The following CTR9 variants were observed in gnomAD, a reference collection of about 807,000 sequenced individuals.
The protein encoded by CTR9 is RNA polymerase-associated protein CTR9 homolog.
Under a neutral mutation model 152.1 loss-of-function variants are expected in CTR9, and 41 were observed. That is an observed-to-expected ratio of 0.27 (90% CI 0.21 to 0.35). The LOEUF is 0.35. Among genes scored for constraint, CTR9 ranks in the 10% least tolerant of loss-of-function variants. The probability of loss-of-function intolerance (pLI) is 1.00; values close to 1 mark genes in which losing one functional copy is unlikely to be tolerated. For missense variants in CTR9, 917 were observed against 1,424.4 expected, an observed-to-expected ratio of 0.64 and a Z score of 5.73; for synonymous variants, 476 against 496.2, an observed-to-expected ratio of 0.96 and a Z score of 0.54.
rs17330399 is a variant in CTR9, at chr11:10,773,578, C to T, written c.2727+305C>T. ...TGGGCCTAGCCAAGAACCTCTTCCA[C>T]GTGGCTTAGTAAAAGATCCTTCATT... On this transcript the variant is annotated intron_variant, in intron 21 of 24. Transcript: ENST00000361367. Among the ~76,000 whole-genome samples the T allele has an allele frequency of 0.19, 29,388 of 152,036 alleles. 3,646 individuals are homozygous for T. Among genetic ancestry groups the T allele is most frequent in the Non-Finnish European group, 0.27 (18,465 of 67,972 alleles).
chr11:10,763,956 C>T (rs1863018325), intron 9 of CTR9, 77 bp downstream of exon 9: 2 of 1,330,102 alleles, frequency 1.5e-6, no homozygotes, highest in South Asian at 1.3e-5. Context: ...CCTGTTATTG[C>T]TAGTAGAAAT....
Position 10,756,853 on chromosome 11 carries a change from T to A in CTR9, c.592+15T>A, listed in dbSNP as rs746483240. Reference sequence around the variant, plus strand: ...AGGATGTCCAGGTAAGAGAAAAATTTTATTTTATGTCTAAACTGTGTATTA... The same window carrying A: ...AGGATGTCCAGGTAAGAGAAAAATTATATTTTATGTCTAAACTGTGTATTA... On this transcript the variant is annotated intron_variant, in intron 5 of 24. Transcript: ENST00000361367. The A allele has an allele frequency of 6.5e-7, 1 of 1,535,734 alleles. No homozygotes were observed. The highest frequency in any genetic ancestry group is 1.4e-5 in the African/African-American group (1 of 73,472).
At chr11:10,774,586 A>T (rs1035612652) in intron 22 of CTR9, among the ~76,000 whole-genome samples, 3 of 152,200 alleles carry the variant, frequency 2.0e-5, no homozygotes, top group Admixed American at 1.3e-4. Flanking sequence ...TAAGATGTGA[A>T]TGTGTGTAAA....
At chr11:10,756,714 T>G (rs1305928889) in intron 4 of CTR9, 35 bp from the exon 5 acceptor site, 5 of 1,456,178 alleles carry the variant, frequency 3.4e-6, no homozygotes, top group East Asian at 4.5e-5. Context: ...TAGCCTTTAA[T>G]CAGACACTGT....
At chr11:10,773,856 G>T (rs915454391) in intron 21 of CTR9, among the ~76,000 whole-genome samples, 156 bp from the exon 22 acceptor site, 1 of 139,874 alleles carries the variant, frequency 7.1e-6, no homozygotes, top group African/African-American at 2.7e-5. Context: ...CTGCACTCTC[G>T]CCTGGGCAAA....
rs760077319 is a variant in CTR9, at chr11:10,756,810, A to G, written c.564A>G (p.Lys188=). Residue 188 remains lysine, a synonymous_variant, in exon 5 of 25, where the codon AAA becomes AAG. Coordinates refer to ENST00000361367, the MANE Select transcript of CTR9 (RefSeq NM_014633.5). Reference sequence around the variant, plus strand: ...GAGGAGCTCTTGCTTACTATAAGAAAGCATTGCGTACTAACCCAGGATGTC... The same window carrying G: ...GAGGAGCTCTTGCTTACTATAAGAAGGCATTGCGTACTAACCCAGGATGTC... The part of the protein sequence containing the change: ...DYRGALAYYK[K]ALRTNPGCPA... 2.5e-6 allele frequency: 4 copies of G among 1,613,078 alleles called. No individual in the cohort carries two copies. Among genetic ancestry groups the G allele is most frequent in the Non-Finnish European group, 3.4e-6 (4 of 1,179,588 alleles).
chr11:10,763,067 G>A (rs1863002457), intron 7 of CTR9, among the ~76,000 whole-genome samples: 1 of 151,008 alleles, frequency 6.6e-6, no homozygotes, highest in African/African-American at 2.4e-5. Context: ...ATAATTCTAT[G>A]ATGTAGGTAA....
At chr11:10,766,289 G>T in intron 12 of CTR9, 113 bp from the exon 13 acceptor site, 2 of 754,228 alleles carry the variant, frequency 2.7e-6, no homozygotes, top group South Asian at 1.6e-5. Context: ...GGACTTTTCT[G>T]TTCCTTTTAT....
At chr11:10,775,443 A>G in intron 23 of CTR9, 78 bp from the exon 24 acceptor site, 1 of 1,387,488 alleles carries the variant, frequency 7.2e-7, no homozygotes, top group Non-Finnish European at 1.0e-6. Flanking sequence ...TGATTGTATC[A>G]TTGTAATGCA....
rs764521025 is a variant in CTR9, at chr11:10,774,013, G to A, written c.2729G>A (p.Arg910His). Residue 910 changes from arginine (R) to histidine (H), a missense_variant and splice_region_variant, in exon 22 of 25, where the codon CGT becomes CAT. Coordinates refer to ENST00000361367, the MANE Select transcript of CTR9 (RefSeq NM_014633.5). The part of the protein sequence containing the change: ...EKKRGGGGGR[R>H]SKKGGEFDEF... ...ACTATAGTGTTGTTTGGATTTTAGC[G>A]TTCTAAGAAGGGAGGAGAGTTTGAT... 13 of 1,608,226 alleles carry A rather than the reference G, an allele frequency of 8.1e-6. No homozygotes were observed. Among genetic ancestry groups the A allele is most frequent in the East Asian group, 4.5e-5 (2 of 44,758 alleles).
chr11:10,762,949 G>A (rs1862999699), intron 7 of CTR9, among the ~76,000 whole-genome samples: 1 of 151,370 alleles, frequency 6.6e-6, no homozygotes, highest in Non-Finnish European at 1.5e-5. Context: ...AGGCTGCAGT[G>A]GTGAGCCATG....
intron 5 of CTR9, among the ~76,000 whole-genome samples, chr11:10,758,089 G>A (rs898190962): frequency 1.3e-4 from 20 of 152,292 alleles, no homozygotes; most frequent in African/African-American, 4.3e-4. Context: ...GAGTTGGGGG[G>A]AAAGTAGTAA....
At position 10,772,920 on chromosome 11, in the gene CTR9, G is replaced by A. The variant is rs528656280; in HGVS notation, c.2581-207G>A. Among the ~76,000 whole-genome samples the A allele has an allele frequency of 6.3e-4, 96 of 152,060 alleles. 1 individual carries two copies. Among genetic ancestry groups the A allele is most frequent in the African/African-American group, 1.6e-3 (66 of 41,452 alleles). On this transcript the variant is annotated intron_variant, in intron 20 of 24. Transcript: ENST00000361367. ...CATGCACCTGTAATCCCAGCTACTC[G>A]GGGAGCTGAGGCAGGAGAATCACTT...
intron 4 of CTR9, among the ~76,000 whole-genome samples, chr11:10,756,020 A>T (rs187841605): frequency 1.2e-4 from 19 of 152,226 alleles, no homozygotes; most frequent in Admixed American, 4.6e-4. Context: ...GTATAATCTC[A>T]GCACTTTGAG....
intron 8 of CTR9, 39 bp downstream of exon 8, chr11:10,763,577 T>C (rs1203276988): frequency 1.3e-6 from 2 of 1,568,396 alleles, no homozygotes; most frequent in Admixed American, 2.0e-5. Flanking sequence ...ATCTTTTTAC[T>C]TATAGTGTTT....
chr11:10,753,280 G>A (rs931304210), intron 2 of CTR9, among the ~76,000 whole-genome samples: 9 of 152,122 alleles, frequency 5.9e-5, no homozygotes, highest in African/African-American at 1.9e-4. Flanking sequence ...TCTTACTGGA[G>A]ATTCTCAAGA....
chr11:10,772,693 T>C (rs1564971672), intron 20 of CTR9, 38 bp downstream of exon 20: 2 of 1,558,100 alleles, frequency 1.3e-6, no homozygotes, highest in African/African-American at 1.4e-5. Context: ...AATTAATGAA[T>C]TGTGTGCATG....
At chr11:10,775,807 C>G (rs781338275) in intron 24 of CTR9, among the ~76,000 whole-genome samples, 174 bp downstream of exon 24, 21 of 152,124 alleles carry the variant, frequency 1.4e-4, no homozygotes, top group Non-Finnish European at 4.4e-5. Flanking sequence ...GGGAGTGTTG[C>G]TGTGCCGAAA....
At chr11:10,772,054 C>CA (rs558336065) in intron 19 of CTR9, among the ~76,000 whole-genome samples, 2,398 of 148,208 alleles carry the variant, frequency 0.016, 40 homozygotes, top group Middle Eastern at 0.027. Context: ...AAGTGTAATG[C>CA]AAAAAAAAAA....
Sources: gnomAD v4.1 joint callset for allele counts (sites outside exome capture counted in the v4.1 genomes callset) on GRCh38, gnomAD v4.1.1 for gene constraint, MANE v1.5 for transcripts, NCBI Gene and HGNC (gene_info 2026-07-23, HGNC 2026-07-21) for gene names.